PCDHGA8: variants seen among roughly 807,000 people sequenced by gnomAD.
The protein encoded by PCDHGA8 is protocadherin gamma subfamily A, 8, also known as protocadherin gamma-A8.
A neutral mutation model predicts 59.2 loss-of-function variants in PCDHGA8; 45 were observed. That is an observed-to-expected ratio of 0.76 (90% CI 0.60 to 0.98). The LOEUF (loss-of-function observed/expected upper bound fraction) is 0.98, where lower values mean the gene tolerates loss of function less well. PCDHGA8 is among the 50% of genes least tolerant of loss of function. The pLI is 0.00. For synonymous variants in PCDHGA8, 531 were observed against 519.0 expected, an observed-to-expected ratio of 1.02 and a Z score of -0.32; for missense variants, 1,257 against 1,196.2, an observed-to-expected ratio of 1.05 and a Z score of -0.75.
intron 3 of PCDHGA8, among the ~76,000 whole-genome samples, chr5:141,507,521 C>G (rs2099861196): frequency 6.6e-6 from 1 of 151,972 alleles, no homozygotes; most frequent in African/African-American, 2.4e-5. Flanking sequence ...GGCTATGATT[C>G]CAGAGAGGCC....
intron 1 of PCDHGA8, among the ~76,000 whole-genome samples, chr5:141,469,120 T>C (rs188113354): frequency 6.6e-6 from 1 of 151,574 alleles, no homozygotes; most frequent in East Asian, 1.9e-4. Context: ...CTAAAAAAAT[T>C]TAAAAATTAG....
At chr5:141,497,768 G>A (rs920949258) in intron 2 of PCDHGA8, among the ~76,000 whole-genome samples, 8 of 152,070 alleles carry the variant, frequency 5.3e-5, no homozygotes, top group East Asian at 1.9e-4. Flanking sequence ...CAAACTCCCC[G>A]ACCTCAACTG....
intron 1 of PCDHGA8, chr5:141,478,588 T>G (rs2099465964): frequency 6.3e-7 from 1 of 1,575,000 alleles, no homozygotes; most frequent in African/African-American, 1.4e-5. Flanking sequence ...TAGTGCTTTT[T>G]TATTCCTACA....
At chr5:141,449,837 T>A (rs917239289) in intron 1 of PCDHGA8, among the ~76,000 whole-genome samples, 3 of 151,742 alleles carry the variant, frequency 2.0e-5, no homozygotes, top group Non-Finnish European at 4.4e-5. Context: ...TTCTTTTATA[T>A]AATTAAATTT....
chr5:141,453,546 C>T lies in PCDHGA8; in HGVS notation c.2425-41261C>T, dbSNP rs116481133. Among the ~76,000 whole-genome samples, 695 of 152,296 alleles carry T rather than the reference C, an allele frequency of 4.6e-3. 4 individuals are homozygous for T. Among genetic ancestry groups the T allele is most frequent in the African/African-American group, 0.015 (634 of 41,558 alleles). On this transcript the variant is annotated intron_variant, in intron 1 of 3. Transcript: ENST00000398604. ...TACCTTCTGCCTCATTCACACCACA[C>T]TCTGTAGATAATCGATTTCATTAGT...
In PCDHGA8 at chr5:141,408,106, G is replaced by A. The variant is rs1474157141; in HGVS notation, c.2424+12869G>A. The A allele has an allele frequency of 8.3e-6, 12 of 1,444,288 alleles. No individual in the cohort carries two copies. In the East Asian group the frequency reaches 2.7e-4, roughly 33 times the overall value. 89.5% of individuals were successfully genotyped at this position (1,444,288 alleles called of 1,614,324 possible). On this transcript the variant is annotated intron_variant, in intron 1 of 3. Transcript: ENST00000398604. ...AGCGGATTGCCAGCTCCGAGACCCG[G>A]GACTCCTCCTGTCCTGGGCCGAATG...
In PCDHGA8 at chr5:141,431,570, G is replaced by A. The variant is rs754760314; in HGVS notation, c.2424+36333G>A. 7 of 1,614,172 alleles carry A rather than the reference G, an allele frequency of 4.3e-6. No individual in the cohort carries two copies. Among genetic ancestry groups the A allele is most frequent in the Non-Finnish European group, 5.9e-6 (7 of 1,180,024 alleles). ...TGTAGTCAACGCTACCGACCCTGAC[G>A]AAGGAGTCAATGCGGAAGTGAGGTA... On this transcript the variant is annotated intron_variant, in intron 1 of 3. Transcript: ENST00000398604. The surrounding 1 kb of genome is among the most constrained non-coding windows in gnomAD (Gnocchi z 4.8).
At chr5:141,441,757 G>A (rs1423867327) in intron 1 of PCDHGA8, 2 of 381,638 alleles carry the variant, frequency 5.2e-6, no homozygotes, top group Middle Eastern at 6.5e-4. Context: ...GTCAACGTGA[G>A]CCTGCGCGTG....
intron 1 of PCDHGA8, among the ~76,000 whole-genome samples, chr5:141,454,252 A>T (rs1288181537): frequency 6.6e-6 from 1 of 152,214 alleles, no homozygotes; most frequent in Non-Finnish European, 1.5e-5. Context: ...AAGATGTCCC[A>T]GAGAAAGTAA....
chr5:141,421,309 C>T (rs781110850), intron 1 of PCDHGA8: 9 of 1,613,516 alleles, frequency 5.6e-6, no homozygotes, highest in Admixed American at 1.7e-5. Context: ...GCGGGGGTTC[C>T]GGGCCAGGCA....
chr5:141,399,459 C>T (rs897098728), intron 1 of PCDHGA8: 6 of 1,613,894 alleles, frequency 3.7e-6, no homozygotes, highest in Non-Finnish European at 5.1e-6. Context: ...TCAACGATAA[C>T]GCTCCGGTTT....
rs2099642802 is a variant in PCDHGA8, at chr5:141,487,311, CTAAG to C, written c.2425-7494_2425-7491del. The C allele has an allele frequency of 1.2e-6, 2 of 1,614,058 alleles. No individual in the cohort carries two copies. On this transcript the variant is annotated intron_variant, in intron 1 of 3. Coordinates refer to ENST00000398604, the MANE Select transcript of PCDHGA8 (RefSeq NM_032088.2). This position sits in a 1 kb window ranked among gnomAD's most constrained non-coding sequence, Gnocchi z 5.0. ...TTTGGCTCATTCGTGGCACTACTCTCTAAGTGTCTTCGTGGGGCAGCCTGTGGAG... is the reference window on the plus strand; with the variant it reads ...TTTGGCTCATTCGTGGCACTACTCTCTGTCTTCGTGGGGCAGCCTGTGGAG...
Position 141,505,432 on chromosome 5 carries a change from C to T in PCDHGA8, c.2523C>T (p.Asn841=), listed in dbSNP as rs776731214. Residue 841 remains asparagine, a synonymous_variant, in exon 3 of 4, where the codon AAC becomes AAT. Transcript: ENST00000398604. ...ATGACACCGGCACCTGGCCCAACAA[C>T]CAGTTTGACACAGAGATGCTGCAAG... ...NGDDTGTWPN[N]QFDTEMLQAM... 6.2e-7 allele frequency: 1 copy of T among 1,614,252 alleles called. No homozygotes were observed. Among genetic ancestry groups the T allele is most frequent in the Non-Finnish European group, 8.5e-7 (1 of 1,180,048 alleles).
intron 1 of PCDHGA8, among the ~76,000 whole-genome samples, chr5:141,430,360 T>C (rs570966246): frequency 1.8e-4 from 27 of 151,522 alleles, no homozygotes; most frequent in Middle Eastern, 3.4e-3. Flanking sequence ...TAAAAGCTCA[T>C]TGGGGAAAAA....
Position 141,432,970 on chromosome 5 carries a change from G to C in PCDHGA8, c.2424+37733G>C, listed in dbSNP as rs371130763. On this transcript the variant is annotated intron_variant, in intron 1 of 3. Transcript: ENST00000398604. This position sits in a 1 kb window ranked among gnomAD's most constrained non-coding sequence, Gnocchi z 6.0. ...GAGGCGGCTTGACAGGAGCGCCGGC[G>C]TCGCACTTTGTGGGCGTGGACGGGG... is the stretch of plus-strand genomic sequence containing the variant. 25 of 1,614,114 alleles carry C rather than the reference G, an allele frequency of 1.5e-5. No individual in the cohort carries two copies. Among genetic ancestry groups the C allele is most frequent in the African/African-American group, 1.1e-4 (8 of 75,054 alleles).
At chr5:141,455,860 ATTATTTATTTATTTATTTAT>A (rs145569377) in intron 1 of PCDHGA8, among the ~76,000 whole-genome samples, 117 of 139,848 alleles carry the variant, frequency 8.4e-4, no homozygotes, top group Non-Finnish European at 9.4e-4. Flanking sequence ...AATTTCTTTT[ATTATTTATTTATTTATTTAT>A]TTATTTATTT....
At chr5:141,455,160 G>T (rs6875366) in intron 1 of PCDHGA8, among the ~76,000 whole-genome samples, 16,301 of 149,190 alleles carry the variant, frequency 0.11, 1,328 homozygotes, top group African/African-American at 0.23. Context: ...TAGTTTGTTG[G>T]TTTTTTTTTT....
chr5:141,431,435 G>C lies in PCDHGA8; in HGVS notation c.2424+36198G>C, dbSNP rs376827063. The C allele has an allele frequency of 6.2e-7, 1 of 1,613,668 alleles. No homozygotes were observed. The highest frequency in any genetic ancestry group is 1.7e-5 in the Admixed American group (1 of 60,010). On this transcript the variant is annotated intron_variant, in intron 1 of 3. Coordinates refer to ENST00000398604, the MANE Select transcript of PCDHGA8 (RefSeq NM_032088.2). This position sits in a 1 kb window ranked among gnomAD's most constrained non-coding sequence, Gnocchi z 4.8. ...GGGCGACCCGGTGCGCACAGGCACC[G>C]CGCGCATCCGCGTGATGGTTCTGGA...
intron 1 of PCDHGA8, chr5:141,398,627 T>C: frequency 6.2e-7 from 1 of 1,614,044 alleles, no homozygotes; most frequent in Non-Finnish European, 8.5e-7. Context: ...TTAAACTCTC[T>C]GCAGAAGTAT....
Sources: allele counts gnomAD v4.1 joint callset (sites outside exome capture counted in the v4.1 genomes callset), GRCh38; gene constraint gnomAD v4.1.1; non-coding constraint Gnocchi (gnomAD v3.1); transcripts MANE v1.5; gene names NCBI Gene and HGNC (gene_info 2026-07-23, HGNC 2026-07-21).